SLC17A5: variants seen among roughly 807,000 people sequenced by gnomAD.
SLC17A5 encodes the protein sialin.
Under a neutral mutation model 59.4 loss-of-function variants are expected in SLC17A5, and 47 were observed. The ratio of observed to expected loss-of-function variants is 0.79; its 90% CI spans 0.63 to 1.01. The LOEUF (loss-of-function observed/expected upper bound fraction) is 1.01. Among genes scored for constraint, SLC17A5 ranks in the 50% least tolerant of loss-of-function variants. The pLI, the probability that SLC17A5 is intolerant of heterozygous loss-of-function variation, is 0.00. For synonymous variants in SLC17A5, 202 were observed against 210.7 expected (o/e 0.96, Z 0.36); for missense variants, 522 against 595.5 (o/e 0.88, Z 1.28).
At position 73,594,720 on chromosome 6, in the gene SLC17A5, G is replaced by T. The variant is rs1349622209; in HGVS notation, c.*357C>A. ...AGTGAACAACAACAGGTGTTTATCA[G>T]TACCTGAGAATTATCATCTAGTTTA... is the stretch of plus-strand genomic sequence containing the variant. On this transcript the variant is annotated 3_prime_UTR_variant, in exon 11 of 11. Transcript: ENST00000355773. 3.3e-6 allele frequency: 1 copy of T among 298,680 alleles called. No individual in the cohort carries two copies. The highest frequency in any genetic ancestry group is 8.9e-5 in the East Asian group (1 of 11,244). The allele number at this position is 298,680 out of a possible 1,614,324, so 18.5% of individuals were successfully genotyped here. A position where few individuals can be genotyped will look rare whatever the true frequency, so the allele number is the denominator to read the frequency against.
chr6:73,631,130 G>T (rs1207298562), intron 6 of SLC17A5, among the ~76,000 whole-genome samples: 1 of 151,460 alleles, frequency 6.6e-6, no homozygotes, highest in Non-Finnish European at 1.5e-5. Flanking sequence ...TAGGCCTGGG[G>T]TTGTCCTGTT....
At chr6:73,650,904 C>A (rs1378185702) in intron 1 of SLC17A5, among the ~76,000 whole-genome samples, 1 of 152,144 alleles carries the variant, frequency 6.6e-6, no homozygotes, top group Non-Finnish European at 1.5e-5. Context: ...CTACTTTCTA[C>A]ACTTGTATTC....
At chr6:73,596,743 C>G (rs1327316718) in intron 10 of SLC17A5, among the ~76,000 whole-genome samples, 1 of 152,100 alleles carries the variant, frequency 6.6e-6, no homozygotes, top group Non-Finnish European at 1.5e-5. Context: ...GTAGTCCCAG[C>G]TACTCGGGAG....
intron 6 of SLC17A5, among the ~76,000 whole-genome samples, chr6:73,625,739 C>A (rs1371158365): frequency 6.6e-6 from 1 of 152,128 alleles, no homozygotes; most frequent in Non-Finnish European, 1.5e-5. Context: ...AGTGGGTTCC[C>A]AAACTTTGCT....
chr6:73,618,702 C>G (rs1364481773), intron 7 of SLC17A5: 6 of 247,510 alleles, frequency 2.4e-5, no homozygotes, highest in African/African-American at 1.2e-4. Flanking sequence ...CACTTGAATA[C>G]TTGCAGGCCA....
intron 8 of SLC17A5, among the ~76,000 whole-genome samples, chr6:73,612,959 G>A (rs1324456829): frequency 6.6e-6 from 1 of 151,990 alleles, no homozygotes; most frequent in Non-Finnish European, 1.5e-5. Flanking sequence ...AGACTGAGGT[G>A]GGAGAATTAC....
At chr6:73,626,759 G>A (rs972589076) in intron 6 of SLC17A5, among the ~76,000 whole-genome samples, 2 of 152,170 alleles carry the variant, frequency 1.3e-5, no homozygotes, top group African/African-American at 4.8e-5. Context: ...TGTGACATAT[G>A]TGTGACTGAA....
intron 10 of SLC17A5, among the ~76,000 whole-genome samples, chr6:73,596,053 G>A (rs1327923810): frequency 1.3e-5 from 2 of 151,526 alleles, no homozygotes; most frequent in Non-Finnish European, 2.9e-5. Flanking sequence ...TGATCCACTC[G>A]CCTCAGCCTC....
At position 73,610,421 on chromosome 6, in the gene SLC17A5, T is replaced by C. The variant is rs371229970; in HGVS notation, c.1238A>G (p.Asn413Ser). 8 of 1,614,034 alleles carry C rather than the reference T, an allele frequency of 5.0e-6. No homozygotes were observed. Among genetic ancestry groups the C allele is most frequent in the Non-Finnish European group, 6.8e-6 (8 of 1,180,024 alleles). ...TCACGAAGGAGCAATATCCAGATGG[T>C]TGATGCTAAATCCAGAAGAGCAAAA... ...GGFCSSGFSI[N>S]HLDIAPSYAG... The change falls in exon 9 of 11, where the codon AAC becomes AGC. Residue 413 changes from asparagine (N) to serine (S), a missense_variant. This residue lies in a region of SLC17A5 where 153 missense variants were observed against 168.5 expected (regional missense o/e 0.91). Coordinates refer to ENST00000355773, the MANE Select transcript of SLC17A5 (RefSeq NM_012434.5).
In SLC17A5 at chr6:73,600,386, C is replaced by T; in HGVS notation, c.1315G>A (p.Val439Ile). 3 of 1,614,084 alleles carry T rather than the reference C, an allele frequency of 1.9e-6. No homozygotes were observed. The highest frequency in any genetic ancestry group is 2.5e-6 in the Non-Finnish European group (3 of 1,179,984). Residue 439 changes from valine to isoleucine, a missense_variant, in exon 10 of 11, where the codon GTT becomes ATT. Physicochemically the swap from Val to Ile is conservative, Grantham distance 29. Around this residue, in one of 3 missense-constraint regions of SLC17A5, gnomAD observed 153 missense variants for 168.5 expected, o/e 0.91. Transcript: ENST00000355773. ...AGACTTTTAGCAATGACGGGCCCAA[C>T]CATTCCTGGAATAGTGGCAAATGTA... ...TNTFATIPGM[V>I]GPVIAKSLTP...
intron 10 of SLC17A5, among the ~76,000 whole-genome samples, chr6:73,598,686 A>T (rs1194914170): frequency 6.6e-6 from 1 of 151,676 alleles, no homozygotes. Flanking sequence ...CCTTTTTAAA[A>T]ATAATATACT....
At chr6:73,602,972 A>G (rs1767219514) in intron 9 of SLC17A5, among the ~76,000 whole-genome samples, 1 of 152,156 alleles carries the variant, frequency 6.6e-6, no homozygotes, top group Admixed American at 6.6e-5. Flanking sequence ...ATTAATACGA[A>G]AAAAGAAAAA....
At chr6:73,636,547 T>A in intron 5 of SLC17A5, 74 bp downstream of exon 5, 1 of 862,628 alleles carries the variant, frequency 1.2e-6, no homozygotes, top group Non-Finnish European at 1.9e-6. Context: ...GATATATTTT[T>A]AAAACATTAT....
At position 73,653,498 on chromosome 6, in the gene SLC17A5, T is replaced by TCCCCCCCCCC. The variant is rs1562004003; in HGVS notation, c.94+294_94+295insGGGGGGGGGG. Reference sequence around the variant, plus strand: ...AGCTCAGCGCCGGCTGCACCGCCGCTCCCCCGCCCCCGCCCCCGCCCCCGC... The same window carrying TCCCCCCCCCC: ...AGCTCAGCGCCGGCTGCACCGCCGCTCCCCCCCCCCCCCCCGCCCCCGCCCCCGCCCCCGC... On this transcript the variant is annotated intron_variant, in intron 1 of 10. Transcript: ENST00000355773. 5 of 951,470 alleles carry TCCCCCCCCCC rather than the reference T, an allele frequency of 5.3e-6. No homozygotes were observed. In the African/African-American group the frequency reaches 9.8e-5, roughly 19 times the overall value. 58.9% of individuals were successfully genotyped at this position (951,470 alleles called of 1,614,324 possible).
At chr6:73,613,501 G>A (rs1049390184) in intron 8 of SLC17A5, among the ~76,000 whole-genome samples, 1 of 152,108 alleles carries the variant, frequency 6.6e-6, no homozygotes, top group African/African-American at 2.4e-5. Flanking sequence ...AGGTAGCTGG[G>A]ATTACAGGCA....
intron 6 of SLC17A5, among the ~76,000 whole-genome samples, chr6:73,625,161 TG>T (rs1271042807): frequency 6.6e-6 from 1 of 152,158 alleles, no homozygotes; most frequent in Non-Finnish European, 1.5e-5. Flanking sequence ...GATATGCTCT[TG>T]TGTTTTTTAA....
rs1707093235 is a variant in SLC17A5, at chr6:73,606,298, C to T, written c.1259+4102G>A. The stretch of plus-strand genomic sequence containing the variant: ...CCTCAAACGATCCAACCGCCTCAGC[C>T]TCCCAAAGTGCTGGGATTACAGGCA... On this transcript the variant is annotated intron_variant, in intron 9 of 10. Transcript: ENST00000355773. 2.6e-5 allele frequency among the ~76,000 whole-genome samples: 4 copies of T among 152,094 alleles called. No individual in the cohort carries two copies. In the South Asian group the frequency reaches 8.3e-4, roughly 31 times the overall value.
intron 9 of SLC17A5, among the ~76,000 whole-genome samples, chr6:73,601,374 C>T (rs1767077371): frequency 6.8e-6 from 1 of 146,956 alleles, no homozygotes; most frequent in African/African-American, 2.5e-5. Flanking sequence ...AAGTGAGGAG[C>T]GTCTCCGCCC....
intron 5 of SLC17A5, 57 bp downstream of exon 5, chr6:73,636,564 A>G (rs1769010711): frequency 2.1e-6 from 2 of 944,210 alleles, no homozygotes; most frequent in Non-Finnish European, 3.5e-6. Flanking sequence ...TTATTAGGCT[A>G]CTATTATTAC....
Sources: allele counts gnomAD v4.1 joint callset (sites outside exome capture counted in the v4.1 genomes callset), GRCh38; gene constraint gnomAD v4.1.1; regional missense constraint gnomAD v4.1.1; transcripts MANE v1.5; gene names NCBI Gene and HGNC (gene_info 2026-07-23, HGNC 2026-07-21).